The following ATP8B2 variants were observed in gnomAD, a reference collection of about 807,000 sequenced individuals.
The protein encoded by ATP8B2 is phospholipid-transporting ATPase ID.
Under a neutral mutation model 133.4 loss-of-function variants are expected in ATP8B2, and 70 were observed. The ratio of observed to expected loss-of-function variants is 0.52; its 90% CI spans 0.43 to 0.64. The LOEUF is 0.64. Among genes scored for constraint, ATP8B2 ranks in the 30% least tolerant of loss-of-function variants. ATP8B2 has a pLI of 0.00. For synonymous variants in ATP8B2, 517 were observed against 589.5 expected, an observed-to-expected ratio of 0.88 and a Z score of 1.78; for missense variants, 1,101 against 1,535.7, an observed-to-expected ratio of 0.72 and a Z score of 4.73.
chr1:154,346,344 C>T lies in ATP8B2; in HGVS notation c.2892C>T (p.Thr964=). ...FFICIAQGIY[T]SVLMFFIPYG... is the part of the protein sequence containing the mutation. ...TCTGCATCGCCCAGGGCATCTACAC[C>T]TCCGTGCTCATGTTCTTCATTCCCT... Residue 964 remains threonine, a synonymous_variant, in exon 25 of 28, where the codon ACC becomes ACT. Coordinates refer to ENST00000368489, the MANE Select transcript of ATP8B2 (RefSeq NM_001370597.1). The surrounding 1 kb of genome is among the most constrained non-coding windows in gnomAD (Gnocchi z 4.5). 1.2e-6 allele frequency: 2 copies of T among 1,614,230 alleles called. No homozygotes were observed. The highest frequency in any genetic ancestry group is 1.7e-6 in the Non-Finnish European group (2 of 1,180,046).
intron 8 of ATP8B2, 123 bp downstream of exon 8, chr1:154,332,147 G>T: frequency 1.1e-6 from 1 of 912,870 alleles, no homozygotes. Context: ...GGTAAGAAAG[G>T]CTTTGGATGG....
At chr1:154,335,534 A>G (rs1211094684) in intron 11 of ATP8B2, among the ~76,000 whole-genome samples, 1 of 151,938 alleles carries the variant, frequency 6.6e-6, no homozygotes, top group Admixed American at 6.6e-5. Flanking sequence ...TTTACAAAAA[A>G]CTGAAAAATT....
rs1448645318 is a variant in ATP8B2, at chr1:154,334,940, C to A, written c.837+349C>A. Among the ~76,000 whole-genome samples, 1 of 152,106 alleles carries A rather than the reference C, an allele frequency of 6.6e-6. No individual in the cohort carries two copies. Among genetic ancestry groups the A allele is most frequent in the Non-Finnish European group, 1.5e-5 (1 of 68,026 alleles). ...GGAGAGGGAATTAAAAGAAAAATTT[C>A]CATTTGGAAGAGGTTGGCAGGGTCT... On this transcript the variant is annotated intron_variant, in intron 11 of 27. Coordinates refer to ENST00000368489, the MANE Select transcript of ATP8B2 (RefSeq NM_001370597.1). This position sits in a 1 kb window ranked among gnomAD's most constrained non-coding sequence, Gnocchi z 4.6.
At position 154,343,286 on chromosome 1, in the gene ATP8B2, C is replaced by T. The variant is rs371680247; in HGVS notation, c.1627C>T (p.Arg543Trp). Residue 543 changes from arginine to tryptophan, a missense_variant, in exon 16 of 28, where the codon CGG becomes TGG. Arg to Trp is a moderately radical substitution (Grantham distance 101, BLOSUM62 -3). Transcript: ENST00000368489. The surrounding 1 kb of genome is among the most constrained non-coding windows in gnomAD (Gnocchi z 5.8). The part of the protein sequence containing the change: ...AILDFNNIRK[R>W]MSVIVRNPEG... Reference sequence around the variant, plus strand: ...CCTGGACTTCAACAACATCCGCAAGCGGATGTCGGTCATAGGTGAGGCCAG... The same window carrying T: ...CCTGGACTTCAACAACATCCGCAAGTGGATGTCGGTCATAGGTGAGGCCAG... 7 of 1,613,958 alleles carry T rather than the reference C, an allele frequency of 4.3e-6. No homozygotes were observed. The highest frequency in any genetic ancestry group is 1.3e-5 in the African/African-American group (1 of 74,900).
intron 26 of ATP8B2, among the ~76,000 whole-genome samples, chr1:154,347,703 G>T (rs1280193935): frequency 6.6e-6 from 1 of 152,156 alleles, no homozygotes; most frequent in Non-Finnish European, 1.5e-5. Flanking sequence ...TACTTTGGGA[G>T]GCCGAGGTAG....
Position 154,331,296 on chromosome 1 carries a change from C to A in ATP8B2, c.304-148C>A. On this transcript the variant is annotated intron_variant, in intron 5 of 27. Coordinates refer to ENST00000368489, the MANE Select transcript of ATP8B2 (RefSeq NM_001370597.1). The surrounding 1 kb of genome is among the most constrained non-coding windows in gnomAD (Gnocchi z 4.8). ...CAGCTAGATCCATGATGTCTTTTTG[C>A]TGAGCGTGGGGAGAGGGAATCAGGG... is the stretch of plus-strand genomic sequence containing the variant. The A allele has an allele frequency of 8.8e-7, 1 of 1,131,682 alleles. No individual in the cohort carries two copies. The highest frequency in any genetic ancestry group is 1.3e-6 in the Non-Finnish European group (1 of 774,394). 70.1% of individuals were successfully genotyped at this position (1,131,682 alleles called of 1,614,324 possible).
At chr1:154,329,080 C>G (rs1484174670) in intron 2 of ATP8B2, 1 of 1,296,054 alleles carries the variant, frequency 7.7e-7, no homozygotes, top group Non-Finnish European at 1.0e-6. Flanking sequence ...GGACAGGTAA[C>G]GGGAGGCAGC....
intron 13 of ATP8B2, chr1:154,341,584 A>C (rs1760793): frequency 1.2e-5 from 2 of 169,380 alleles, no homozygotes; most frequent in Non-Finnish European, 2.6e-5. Flanking sequence ...CCTGAGGTCA[A>C]GTGTTCGAGA....
chr1:154,347,227 C>G (rs1388862350), intron 26 of ATP8B2, among the ~76,000 whole-genome samples: 1 of 152,132 alleles, frequency 6.6e-6, no homozygotes, highest in East Asian at 1.9e-4. Context: ...AGGGAGCCTG[C>G]CATGTGGCTC....
chr1:154,344,210 C>T lies in ATP8B2; in HGVS notation c.1991C>T (p.Thr664Ile). Residue 664 changes from threonine (T) to isoleucine (I), a missense_variant, in exon 19 of 28, where the codon ACA (threonine) becomes ATA (isoleucine). Transcript: ENST00000368489. The surrounding 1 kb of genome is among the most constrained non-coding windows in gnomAD (Gnocchi z 4.1). ...GTTCCAGAGACCATTGCCCTCCTGACACTGGCCAACATCAAGATTTGGGTG... is the reference window on the plus strand; with the variant it reads ...GTTCCAGAGACCATTGCCCTCCTGATACTGGCCAACATCAAGATTTGGGTG... ...QGVPETIALL[T>I]LANIKIWVLT... The T allele has an allele frequency of 1.2e-6, 2 of 1,614,226 alleles. No individual in the cohort carries two copies. The highest frequency in any genetic ancestry group is 2.2e-5 in the South Asian group (2 of 91,074).
At chr1:154,348,628 T>C (rs938661537) in intron 27 of ATP8B2, 90 bp downstream of exon 27, 2 of 1,541,664 alleles carry the variant, frequency 1.3e-6, no homozygotes, top group African/African-American at 2.7e-5. Flanking sequence ...TGGGGCCATG[T>C]GGCTGTTCAG....
intron 2 of ATP8B2, among the ~76,000 whole-genome samples, chr1:154,329,828 T>C (rs1685919867): frequency 6.6e-6 from 1 of 152,112 alleles, no homozygotes; most frequent in African/African-American, 2.4e-5. Flanking sequence ...CAGAAGCAGT[T>C]GCTGGTGACA....
At chr1:154,329,496 C>T (rs532809149) in intron 2 of ATP8B2, among the ~76,000 whole-genome samples, 3 of 152,198 alleles carry the variant, frequency 2.0e-5, no homozygotes, top group South Asian at 2.1e-4. Context: ...CCCGGGGAGA[C>T]GGGCTGGGGA....
intron 1 of ATP8B2, among the ~76,000 whole-genome samples, chr1:154,325,963 G>A (rs1424892095): frequency 6.6e-6 from 1 of 152,190 alleles, no homozygotes; most frequent in African/African-American, 2.4e-5. Context: ...GAAGGGGCGC[G>A]TGGAGAGCAG....
In ATP8B2 at chr1:154,331,661, A is replaced by T; in HGVS notation, c.421A>T (p.Asn141Tyr). ...TGTTGGTGATATTATCAAGCTAGAA[A>T]ATAACCAGTTTGTGGCGGTAAGGGA... ...VCVGDIIKLE[N>Y]NQFVAADLLL... Residue 141 changes from asparagine to tyrosine, a missense_variant, in exon 7 of 28, where the codon AAT becomes TAT. Coordinates refer to ENST00000368489, the MANE Select transcript of ATP8B2 (RefSeq NM_001370597.1). This position sits in a 1 kb window ranked among gnomAD's most constrained non-coding sequence, Gnocchi z 4.8. 6.2e-7 allele frequency: 1 copy of T among 1,614,188 alleles called. No homozygotes were observed. Among genetic ancestry groups the T allele is most frequent in the Non-Finnish European group, 8.5e-7 (1 of 1,180,020 alleles).
At position 154,331,005 on chromosome 1, in the gene ATP8B2, T is replaced by C; in HGVS notation, c.205-43T>C. 6.2e-7 allele frequency: 1 copy of C among 1,601,768 alleles called. No individual in the cohort carries two copies. Among genetic ancestry groups the C allele is most frequent in the Non-Finnish European group, 8.6e-7 (1 of 1,168,986 alleles). ...AGGAAGAGGAAAGGGAATGAAGGCA[T>C]CAGATGGGGCCTCAGAGGCATACTT... On this transcript the variant is annotated intron_variant, in intron 4 of 27. Coordinates refer to ENST00000368489, the MANE Select transcript of ATP8B2 (RefSeq NM_001370597.1). The surrounding 1 kb of genome is among the most constrained non-coding windows in gnomAD (Gnocchi z 4.8).
rs1686485058 is a variant in ATP8B2 at position 154,343,881 on chromosome 1, C to T, written c.1759-12C>T. ...AGACTTACCCAGGTGTGCCTTTCCA[C>T]TCTGCCTCCAGGAGTACGCAGGGGA... On this transcript the variant is annotated splice_polypyrimidine_tract_variant and intron_variant, in intron 17 of 27. Transcript: ENST00000368489. The surrounding 1 kb of genome is among the most constrained non-coding windows in gnomAD (Gnocchi z 5.8). The T allele has an allele frequency of 1.9e-6, 3 of 1,595,990 alleles. No individual in the cohort carries two copies. The East Asian group carries it at 6.7e-5, about 36-fold the overall frequency.
intron 12 of ATP8B2, 186 bp downstream of exon 12, chr1:154,337,730 C>T (rs954807589): frequency 6.5e-7 from 1 of 1,536,878 alleles, no homozygotes; most frequent in African/African-American, 1.4e-5. Flanking sequence ...TTTCCTGGTA[C>T]TTGGGACTGT....
Position 154,334,077 on chromosome 1 carries a change from TAA to T in ATP8B2, c.590-29_590-28del. On this transcript the variant is annotated intron_variant, in intron 9 of 27. Coordinates refer to ENST00000368489, the MANE Select transcript of ATP8B2 (RefSeq NM_001370597.1). The surrounding 1 kb of genome is among the most constrained non-coding windows in gnomAD (Gnocchi z 4.6). ...TGTGGTTAGGCTGTAGACTGGACCTTAAGCAGTGGAATTCTTGTCTCCTGTTC... is the reference window on the plus strand; with the variant it reads ...TGTGGTTAGGCTGTAGACTGGACCTTGCAGTGGAATTCTTGTCTCCTGTTC... 1 of 1,612,188 alleles carries T rather than the reference TAA, an allele frequency of 6.2e-7. No individual in the cohort carries two copies. The highest frequency in any genetic ancestry group is 8.5e-7 in the Non-Finnish European group (1 of 1,178,494).
Sources: allele counts gnomAD v4.1 joint callset (sites outside exome capture counted in the v4.1 genomes callset), GRCh38; gene constraint gnomAD v4.1.1; non-coding constraint Gnocchi (gnomAD v3.1); transcripts MANE v1.5; gene names NCBI Gene and HGNC (gene_info 2026-07-23, HGNC 2026-07-21).